Variants in RPIA observed in about 807,000 individuals in gnomAD.
RPIA encodes the protein ribose 5-phosphate isomerase A, also known as ribose-5-phosphate isomerase.
RPIA carries 29 observed loss-of-function variants against 37.8 expected under a neutral mutation model. That is an observed-to-expected ratio of 0.77 (90% CI 0.57 to 1.05). The LOEUF (loss-of-function observed/expected upper bound fraction) is 1.05, where lower values mean the gene tolerates loss of function less well. Ranked by LOEUF, RPIA falls within the 50% of genes least tolerant of loss-of-function variation. The pLI is 0.00. For synonymous variants in RPIA, 167 were observed against 157.0 expected (o/e 1.06, Z -0.48); for missense variants, 385 against 413.6 (o/e 0.93, Z 0.60).
chr2:88,705,616 C>G (rs1270391677), intron 3 of RPIA, among the ~76,000 whole-genome samples: 1 of 152,062 alleles, frequency 6.6e-6, no homozygotes, highest in Non-Finnish European at 1.5e-5. Context: ...ACTATAAAAA[C>G]CCTAGAAGAA....
At position 88,691,878 on chromosome 2, in the gene RPIA, C is replaced by T. The variant is rs1365996829; in HGVS notation, c.180C>T (p.Thr60=). The change falls in exon 1 of 9, where the codon ACC becomes ACT. Residue 60 remains threonine, a synonymous_variant. Coordinates refer to ENST00000283646, the MANE Select transcript of RPIA (RefSeq NM_144563.3). ...GTGGCGGTGCTGGCAACACAAGCAC[C>T]AGCTGCGGGGACTCCAACAGCATCT... ...GTRGGAGNTS[T]SCGDSNSICP... is the part of the protein sequence containing the mutation. The T allele has an allele frequency of 6.3e-7, 1 of 1,595,918 alleles. No individual in the cohort carries two copies. Among genetic ancestry groups the T allele is most frequent in the East Asian group, 2.3e-5 (1 of 44,228 alleles).
intron 1 of RPIA, among the ~76,000 whole-genome samples, chr2:88,694,272 G>T (rs1676983305): frequency 6.6e-6 from 1 of 152,230 alleles, no homozygotes; most frequent in South Asian, 2.1e-4. Flanking sequence ...GGGATCACAT[G>T]GGTGAAGAGC....
chr2:88,701,250 C>CTTT (rs566674003), intron 3 of RPIA, among the ~76,000 whole-genome samples: 3 of 141,472 alleles, frequency 2.1e-5, no homozygotes, highest in East Asian at 4.1e-4. Flanking sequence ...TTTTATATAG[C>CTTT]TTTTTTTTTT....
At chr2:88,722,553 G>A (rs918007529) in intron 3 of RPIA, among the ~76,000 whole-genome samples, 2 of 152,120 alleles carry the variant, frequency 1.3e-5, no homozygotes, top group African/African-American at 2.4e-5. Context: ...TAACCTTTAC[G>A]GTGTCCTTGT....
chr2:88,722,288 A>G (rs1673143539), intron 3 of RPIA, among the ~76,000 whole-genome samples: 1 of 152,184 alleles, frequency 6.6e-6, no homozygotes, highest in South Asian at 2.1e-4. Flanking sequence ...AAGGACACTT[A>G]TTTTTGAAAG....
intron 3 of RPIA, among the ~76,000 whole-genome samples, chr2:88,710,578 G>T (rs899652297): frequency 6.6e-6 from 1 of 152,150 alleles, no homozygotes; most frequent in Non-Finnish European, 1.5e-5. Flanking sequence ...CCTCCCAGTT[G>T]TGCACGTAAA....
At chr2:88,736,020 A>G (rs919654539) in intron 6 of RPIA, among the ~76,000 whole-genome samples, 3 of 152,200 alleles carry the variant, frequency 2.0e-5, no homozygotes, top group African/African-American at 7.2e-5. Flanking sequence ...TTAGCAGAGC[A>G]TGCTCTCATG....
At chr2:88,723,962 A>G (rs963410490) in intron 3 of RPIA, among the ~76,000 whole-genome samples, 2 of 152,190 alleles carry the variant, frequency 1.3e-5, no homozygotes, top group African/African-American at 2.4e-5. Flanking sequence ...AAATGGTTGC[A>G]TTCTTTTGAG....
In RPIA at chr2:88,691,776, CT is replaced by C; in HGVS notation, c.79del (p.Ser27ProfsTer68). 6.3e-7 allele frequency: 1 copy of C among 1,592,570 alleles called. No homozygotes were observed. ...PLPGRAGGAASGGGGNSWDLP... is the reference protein window; with the variant it reads ...PLPGRAGGAAXGGGGNSWDLP... Reference sequence around the variant, plus strand: ...TGCCCGGGAGGGCCGGGGGCGCGGCCTCCGGCGGAGGAGGGAACAGCTGGGA... The same window carrying C: ...TGCCCGGGAGGGCCGGGGGCGCGGCCCCGGCGGAGGAGGGAACAGCTGGGA... On this transcript the variant is annotated frameshift_variant, in exon 1 of 9. Coordinates refer to ENST00000283646, the MANE Select transcript of RPIA (RefSeq NM_144563.3). LOFTEE classifies it high-confidence loss of function.
chr2:88,737,929 G>A, intron 7 of RPIA, 48 bp from the exon 8 acceptor site: 1 of 1,396,924 alleles, frequency 7.2e-7, no homozygotes, highest in Non-Finnish European at 1.0e-6. Flanking sequence ...GTCCTTCTCT[G>A]CCTACCTGTA....
At chr2:88,736,698 G>C (rs774745911) in intron 7 of RPIA, 22 bp downstream of exon 7, 2 of 1,602,666 alleles carry the variant, frequency 1.2e-6, no homozygotes, top group South Asian at 1.1e-5. Context: ...GGTTGGGCCG[G>C]GGGTGTGCTG....
At chr2:88,702,970 A>T (rs779834459) in intron 3 of RPIA, among the ~76,000 whole-genome samples, 10 of 152,326 alleles carry the variant, frequency 6.6e-5, no homozygotes, top group Middle Eastern at 6.8e-3. Flanking sequence ...GCCAGAACAC[A>T]GGGGCTACAG....
chr2:88,705,057 A>T (rs913487389), intron 3 of RPIA, among the ~76,000 whole-genome samples: 1 of 152,216 alleles, frequency 6.6e-6, no homozygotes, highest in Non-Finnish European at 1.5e-5. Context: ...CCACTGCTTA[A>T]GGAAATGAGA....
At chr2:88,718,568 C>T (rs1173473728) in intron 3 of RPIA, among the ~76,000 whole-genome samples, 2 of 152,188 alleles carry the variant, frequency 1.3e-5, no homozygotes, top group Non-Finnish European at 2.9e-5. Flanking sequence ...CTCAGGAATC[C>T]TGTACAGGGA....
At chr2:88,735,317 C>T (rs923885383) in intron 5 of RPIA, among the ~76,000 whole-genome samples, 8 of 152,130 alleles carry the variant, frequency 5.3e-5, no homozygotes, top group African/African-American at 1.4e-4. Context: ...GTCGACTGGG[C>T]GGGTTGTTCA....
At chr2:88,711,777 T>C (rs1420927356) in intron 3 of RPIA, among the ~76,000 whole-genome samples, 1 of 152,248 alleles carries the variant, frequency 6.6e-6, no homozygotes, top group Non-Finnish European at 1.5e-5. Flanking sequence ...TGCTGTCATG[T>C]GATTCTATAC....
chr2:88,719,774 A>G (rs951179560), intron 3 of RPIA, among the ~76,000 whole-genome samples: 3 of 152,216 alleles, frequency 2.0e-5, no homozygotes, highest in Non-Finnish European at 4.4e-5. Context: ...AATCTTGAAC[A>G]TAAGATATAA....
chr2:88,744,015 G>A (rs1673412348), intron 8 of RPIA, among the ~76,000 whole-genome samples: 1 of 151,898 alleles, frequency 6.6e-6, no homozygotes, highest in Non-Finnish European at 1.5e-5. Flanking sequence ...ATTTAGTTCT[G>A]CTCTTATCTT....
At chr2:88,735,851 G>A in intron 6 of RPIA, 114 bp downstream of exon 6, 5 of 995,298 alleles carry the variant, frequency 5.0e-6, no homozygotes, top group South Asian at 3.8e-5. Flanking sequence ...CTGACTTTCT[G>A]AGACTGATGG....
Sources: allele counts gnomAD v4.1 joint callset (sites outside exome capture counted in the v4.1 genomes callset), GRCh38; gene constraint gnomAD v4.1.1; transcripts MANE v1.5; gene names NCBI Gene and HGNC (gene_info 2026-07-23, HGNC 2026-07-21).